PROS1: variants seen among roughly 807,000 people sequenced by gnomAD.
PROS1 encodes the protein vitamin K-dependent protein S.
A neutral mutation model predicts 75.9 loss-of-function variants in PROS1; 29 were observed. The ratio of observed to expected loss-of-function variants is 0.38; its 90% CI spans 0.28 to 0.52. The LOEUF (loss-of-function observed/expected upper bound fraction) is 0.52. PROS1 is among the 20% of genes least tolerant of loss of function. PROS1 has a pLI of 0.83. For missense variants in PROS1, 680 were observed against 810.3 expected (o/e 0.84, Z 1.95); for synonymous variants, 245 against 280.6 (o/e 0.87, Z 1.27).
At position 93,913,249 on chromosome 3, in the gene PROS1, T is replaced by C. The variant is rs142146305; in HGVS notation, c.260-2544A>G. 4.4e-4 allele frequency among the ~76,000 whole-genome samples: 67 copies of C among 152,280 alleles called. 1 individual carries two copies. In the East Asian group the frequency reaches 0.012, roughly 28 times the overall value. On this transcript the variant is annotated intron_variant, in intron 3 of 14. Transcript: ENST00000394236. Reference sequence around the variant, plus strand: ...CTTGCTTCCTGATATAGTTTGGCTGTGTCCCAACCCAAATCTCATTTTGAA... The same window carrying C: ...CTTGCTTCCTGATATAGTTTGGCTGCGTCCCAACCCAAATCTCATTTTGAA...
rs755684845 is a variant in PROS1 at position 93,877,128 on chromosome 3, C to A, written c.1708G>T (p.Asp570Tyr). 2 of 1,612,620 alleles carry A rather than the reference C, an allele frequency of 1.2e-6. No homozygotes were observed. Among genetic ancestry groups the A allele is most frequent in the Non-Finnish European group, 1.7e-6 (2 of 1,178,848 alleles). Residue 570 changes from aspartate (D) to tyrosine (Y), a missense_variant, in exon 14 of 15, where the codon GAT (aspartate) becomes TAT (tyrosine). Physicochemically the swap from Asp to Tyr is radical, Grantham distance 160. Transcript: ENST00000394236. Reference protein sequence around the residue: ...YRIQALSLCSDQQSHLEFRVN... With the variant: ...YRIQALSLCSYQQSHLEFRVN... ...CTAAATTCCAGATGAGATTGTTGAT[C>A]GGAACATAGACTTAGGGCCTGTATC...
chr3:93,887,091 T>C (rs1708360070), intron 10 of PROS1, among the ~76,000 whole-genome samples: 1 of 151,766 alleles, frequency 6.6e-6, no homozygotes, highest in African/African-American at 2.4e-5. Flanking sequence ...GCTAATTTTT[T>C]GTATTTTTAG....
intron 1 of PROS1, among the ~76,000 whole-genome samples, chr3:93,957,698 G>T (rs1709626393): frequency 6.6e-6 from 1 of 152,110 alleles, no homozygotes; most frequent in Non-Finnish European, 1.5e-5. Flanking sequence ...TAGTATTCTT[G>T]GGGGATTGGC....
At chr3:93,956,768 C>T (rs946250247) in intron 1 of PROS1, among the ~76,000 whole-genome samples, 23 of 152,044 alleles carry the variant, frequency 1.5e-4, no homozygotes, top group Non-Finnish European at 3.4e-4. Context: ...CCACTCCATC[C>T]ACTCCCTCTA....
Position 93,876,943 on chromosome 3 carries a change from C to T in PROS1, c.1870+23G>A, listed in dbSNP as rs746703284. On this transcript the variant is annotated intron_variant, in intron 14 of 14. Coordinates refer to ENST00000394236, the MANE Select transcript of PROS1 (RefSeq NM_000313.4). ...TTTGATTAAAATATACTTTTTAAAA[C>T]TGAAGAAAAAGTAAGCAGATACCTG... The T allele has an allele frequency of 8.2e-6, 12 of 1,461,528 alleles. No homozygotes were observed. The South Asian group carries it at 1.4e-4, about 17-fold the overall frequency. The allele number at this position is 1,461,528 out of a possible 1,614,324, so 90.5% of individuals were successfully genotyped here.
In PROS1 at chr3:93,878,846, G is replaced by A. The variant is rs575701360; in HGVS notation, c.1644+317C>T. 6.6e-5 allele frequency among the ~76,000 whole-genome samples: 10 copies of A among 152,084 alleles called. No homozygotes were observed. In the South Asian group the frequency reaches 2.1e-3, roughly 32 times the overall value. On this transcript the variant is annotated intron_variant, in intron 13 of 14. Coordinates refer to ENST00000394236, the MANE Select transcript of PROS1 (RefSeq NM_000313.4). ...ACAACACATAAAGTATTCTTAATAAGGGTGGATCTCTATGTACTCGGATGG... is the reference window on the plus strand; with the variant it reads ...ACAACACATAAAGTATTCTTAATAAAGGTGGATCTCTATGTACTCGGATGG...
intron 12 of PROS1, among the ~76,000 whole-genome samples, chr3:93,882,757 G>C (rs1436725004): frequency 6.6e-6 from 1 of 152,060 alleles, no homozygotes; most frequent in South Asian, 2.1e-4. Flanking sequence ...ATGCACTCAA[G>C]AGAAAACAGA....
rs554773039 is a variant in PROS1, at chr3:93,950,909, G to A, written c.76+22765C>T. 8.5e-5 allele frequency among the ~76,000 whole-genome samples: 13 copies of A among 152,244 alleles called. No homozygotes were observed. The South Asian group carries it at 1.5e-3, about 17-fold the overall frequency. On this transcript the variant is annotated intron_variant, in intron 1 of 14. Transcript: ENST00000394236. ...TTCTCCAAGTTAAAGGAGGATGTGC[G>A]AATCCATTGCAAAGAAGCTAAAAAC...
At chr3:93,947,551 A>C (rs1461556144) in intron 1 of PROS1, among the ~76,000 whole-genome samples, 1 of 151,996 alleles carries the variant, frequency 6.6e-6, no homozygotes, top group African/African-American at 2.4e-5. Context: ...AAAGCCGATA[A>C]AGCAACTAGA....
intron 1 of PROS1, among the ~76,000 whole-genome samples, chr3:93,963,732 A>G (rs1165817865): frequency 6.6e-6 from 1 of 152,090 alleles, no homozygotes; most frequent in Non-Finnish European, 1.5e-5. Flanking sequence ...AAACAACCAG[A>G]TCTCACGTGA....
chr3:93,917,728 G>A lies in PROS1; in HGVS notation c.259+6512C>T, dbSNP rs369120930. On this transcript the variant is annotated intron_variant, in intron 3 of 14. Coordinates refer to ENST00000394236, the MANE Select transcript of PROS1 (RefSeq NM_000313.4). ...AGGGGCAATGAGGGGCTTAGCACCC[G>A]GGCCAGCAGCTGTGGAGGGTGTACT... is the stretch of plus-strand genomic sequence containing the variant. Among the ~76,000 whole-genome samples, 78 of 152,268 alleles carry A rather than the reference G, an allele frequency of 5.1e-4. No homozygotes were observed. In the South Asian group the frequency reaches 0.016, roughly 30 times the overall value.
chr3:93,906,569 A>C (rs1708679226), intron 4 of PROS1, among the ~76,000 whole-genome samples: 1 of 152,162 alleles, frequency 6.6e-6, no homozygotes, highest in Admixed American at 6.5e-5. Flanking sequence ...CTGATCTTAG[A>C]GGCATGGCCA....
intron 1 of PROS1, among the ~76,000 whole-genome samples, chr3:93,931,057 G>A (rs1280264072): frequency 6.6e-6 from 1 of 152,130 alleles, no homozygotes; most frequent in East Asian, 1.9e-4. Context: ...GCCCAACAAT[G>A]CTTTACATTG....
intron 1 of PROS1, among the ~76,000 whole-genome samples, chr3:93,943,595 C>T (rs1314195128): frequency 1.3e-5 from 2 of 152,132 alleles, no homozygotes; most frequent in Non-Finnish European, 2.9e-5. Context: ...ACCATTATCT[C>T]TCCATACCAC....
chr3:93,965,582 C>A (rs1484458882), intron 1 of PROS1, among the ~76,000 whole-genome samples: 2 of 152,148 alleles, frequency 1.3e-5, no homozygotes, highest in African/African-American at 2.4e-5. Context: ...TCAGAGAACA[C>A]TAGGCTTGCC....
intron 1 of PROS1, among the ~76,000 whole-genome samples, chr3:93,960,959 T>G (rs1249993630): frequency 6.6e-6 from 1 of 151,734 alleles, no homozygotes; most frequent in Non-Finnish European, 1.5e-5. Flanking sequence ...CAAAGGCGGT[T>G]TTTTAAATAT....
chr3:93,927,139 A>T, intron 2 of PROS1, 111 bp downstream of exon 2: 1 of 1,382,140 alleles, frequency 7.2e-7, no homozygotes, highest in Non-Finnish European at 1.0e-6. Context: ...GGAAGGTGAT[A>T]CACAGAATTA....
chr3:93,879,098 G>A (rs1708237929), intron 13 of PROS1, 65 bp downstream of exon 13: 1 of 1,450,510 alleles, frequency 6.9e-7, no homozygotes, highest in Non-Finnish European at 9.5e-7. Context: ...GGTAAATACT[G>A]CTATGTATAC....
chr3:93,957,865 G>A (rs915108946), intron 1 of PROS1, among the ~76,000 whole-genome samples: 2 of 152,018 alleles, frequency 1.3e-5, no homozygotes, highest in African/African-American at 4.8e-5. Context: ...TGAGGCGGGT[G>A]GATCACCTGG....
Sources: allele counts gnomAD v4.1 joint callset (sites outside exome capture counted in the v4.1 genomes callset), GRCh38; gene constraint gnomAD v4.1.1; transcripts MANE v1.5; gene names NCBI Gene and HGNC (gene_info 2026-07-23, HGNC 2026-07-21).